RFX1: variants seen among roughly 807,000 people sequenced by gnomAD.
The protein encoded by RFX1 is MHC class II regulatory factor RFX1.
Under a neutral mutation model 119.6 loss-of-function variants are expected in RFX1, and 42 were observed. The observed-to-expected ratio is 0.35, with a 90% CI of 0.27 to 0.45. The LOEUF (loss-of-function observed/expected upper bound fraction) is 0.45. RFX1 is among the 20% of genes least tolerant of loss of function. The pLI is 1.00. For missense variants in RFX1, 1,118 were observed against 1,368.1 expected (o/e 0.82, Z 2.88); for synonymous variants, 628 against 618.5 (o/e 1.02, Z -0.23).
chr19:13,972,623 C>T, intron 9 of RFX1, 120 bp downstream of exon 9: 2 of 712,334 alleles, frequency 2.8e-6, no homozygotes, highest in Non-Finnish European at 4.6e-6. Flanking sequence ...ATGTTCTCTT[C>T]ATTGGGGGCC....
chr19:13,997,482 A>G (rs1277970586), intron 1 of RFX1, among the ~76,000 whole-genome samples: 1 of 152,238 alleles, frequency 6.6e-6, no homozygotes. Context: ...GGCATGCTGT[A>G]AGCACGCAGG....
chr19:13,979,024 G>C (rs1016173937), intron 7 of RFX1, among the ~76,000 whole-genome samples: 3 of 151,640 alleles, frequency 2.0e-5, no homozygotes, highest in African/African-American at 4.8e-5. Context: ...CGGCGGCGGC[G>C]TGGGCCGGGG....
At chr19:13,973,711 AC>A (rs1974165590) in intron 8 of RFX1, among the ~76,000 whole-genome samples, 1 of 150,054 alleles carries the variant, frequency 6.7e-6, no homozygotes, top group Admixed American at 6.7e-5. Flanking sequence ...GCTCACTGCA[AC>A]CTCCGCCTCC....
chr19:13,962,917 C>A, intron 20 of RFX1, 53 bp from the exon 21 acceptor site: 1 of 1,542,264 alleles, frequency 6.5e-7, no homozygotes, highest in Non-Finnish European at 8.8e-7. Context: ...CGCCCCCGGG[C>A]TCCTCCTCCT....
At chr19:13,978,616 A>T (rs1974328982) in intron 7 of RFX1, among the ~76,000 whole-genome samples, 1 of 152,146 alleles carries the variant, frequency 6.6e-6, no homozygotes. Flanking sequence ...GTGGGGAGTC[A>T]GAGGCGGGTC....
chr19:13,973,507 G>A (rs1343890700), intron 8 of RFX1, among the ~76,000 whole-genome samples: 1 of 152,216 alleles, frequency 6.6e-6, no homozygotes, highest in Non-Finnish European at 1.5e-5. Flanking sequence ...AGCTACTTGG[G>A]AGGCTGAGGC....
chr19:13,998,529 C>T (rs887154834), intron 1 of RFX1, among the ~76,000 whole-genome samples: 1 of 152,046 alleles, frequency 6.6e-6, no homozygotes, highest in African/African-American at 2.4e-5. Context: ...AGCTCAGCAC[C>T]CAATAAACAC....
rs1974340231 is a variant in RFX1 at position 13,978,874 on chromosome 19, G to A, written c.834+573C>T. Among the ~76,000 whole-genome samples, 6 of 152,082 alleles carry A rather than the reference G, an allele frequency of 3.9e-5. No homozygotes were observed. The South Asian group carries it at 1.2e-3, about 31-fold the overall frequency. On this transcript the variant is annotated intron_variant, in intron 7 of 20. Coordinates refer to ENST00000254325, the MANE Select transcript of RFX1 (RefSeq NM_002918.5). The stretch of plus-strand genomic sequence containing the variant: ...TGGCTCGAAGACCACTTTCTGCTGC[G>A]GCAGGAGCAGGTGTGGGGGCAGCAC...
rs544421852 is a variant in RFX1 at position 13,967,227 on chromosome 19, G to A, written c.1733-476C>T. On this transcript the variant is annotated intron_variant, in intron 12 of 20. Coordinates refer to ENST00000254325, the MANE Select transcript of RFX1 (RefSeq NM_002918.5). ...TGTCCCGGCCTCCAGGGCAGGTGGG[G>A]AAATGAGCTCCCACGTGCTCAGGAT... Among the ~76,000 whole-genome samples, 33 of 152,314 alleles carry A rather than the reference G, an allele frequency of 2.2e-4. 1 individual carries two copies. The highest frequency in any genetic ancestry group is 7.2e-4 in the African/African-American group (30 of 41,574).
chr19:13,973,204 G>C (rs1013830286), intron 8 of RFX1, 77 bp from the exon 9 acceptor site: 3 of 969,462 alleles, frequency 3.1e-6, no homozygotes, highest in Non-Finnish European at 4.6e-6. Flanking sequence ...GTGCAGGAAG[G>C]GGGGTCCTAG....
Position 13,980,507 on chromosome 19 carries a change from G to T in RFX1, c.738+66C>A. Reference sequence around the variant, plus strand: ...TCTAATAGGCCAGAGGCACAGCCGTGGGGGGCTGCAGAGGCTGCCTGGCCG... The same window carrying T: ...TCTAATAGGCCAGAGGCACAGCCGTTGGGGGCTGCAGAGGCTGCCTGGCCG... On this transcript the variant is annotated intron_variant, in intron 6 of 20. Coordinates refer to ENST00000254325, the MANE Select transcript of RFX1 (RefSeq NM_002918.5). The surrounding 1 kb of genome is among the most constrained non-coding windows in gnomAD (Gnocchi z 5.1). 3.9e-6 allele frequency: 4 copies of T among 1,027,860 alleles called. No homozygotes were observed. Among genetic ancestry groups the T allele is most frequent in the South Asian group, 1.4e-5 (1 of 69,054 alleles). The allele number at this position is 1,027,860 out of a possible 1,614,324, so 63.7% of individuals were successfully genotyped here.
rs1974379162 is a variant in RFX1 at position 13,980,031 on chromosome 19, C to T, written c.739-489G>A. Among the ~76,000 whole-genome samples the T allele has an allele frequency of 6.6e-6, 1 of 152,098 alleles. No individual in the cohort carries two copies. The highest frequency in any genetic ancestry group is 2.1e-4 in the South Asian group (1 of 4,826). ...GCCAGGCGGGGGAGTATCTGTGAAACCTCTGGGACAGGGTTTCTGTTTACA... is the reference window on the plus strand; with the variant it reads ...GCCAGGCGGGGGAGTATCTGTGAAATCTCTGGGACAGGGTTTCTGTTTACA... On this transcript the variant is annotated intron_variant, in intron 6 of 20. Coordinates refer to ENST00000254325, the MANE Select transcript of RFX1 (RefSeq NM_002918.5). The surrounding 1 kb of genome is among the most constrained non-coding windows in gnomAD (Gnocchi z 5.1).
intron 1 of RFX1, among the ~76,000 whole-genome samples, chr19:14,000,238 C>A (rs984032928): frequency 3.3e-5 from 5 of 152,172 alleles, no homozygotes; most frequent in Non-Finnish European, 7.3e-5. Context: ...GTGATCCCAG[C>A]ACTTTGGAAG....
At position 13,979,380 on chromosome 19, in the gene RFX1, C is replaced by T. The variant is rs1974356690; in HGVS notation, c.834+67G>A. ...TTTCCCTCCCTGCGGCCTCAGGGGC[C>T]TGCACTCCCCAGCCCCAGCCCGGGA... is the stretch of plus-strand genomic sequence containing the variant. On this transcript the variant is annotated intron_variant, in intron 7 of 20. Coordinates refer to ENST00000254325, the MANE Select transcript of RFX1 (RefSeq NM_002918.5). 4 of 1,120,630 alleles carry T rather than the reference C, an allele frequency of 3.6e-6. No individual in the cohort carries two copies. In the Admixed American group the frequency reaches 1.0e-4, roughly 28 times the overall value. The allele number at this position is 1,120,630 out of a possible 1,614,324, so 69.4% of individuals were successfully genotyped here.
intron 9 of RFX1, 102 bp from the exon 10 acceptor site, chr19:13,970,277 A>G: frequency 1.0e-6 from 1 of 990,698 alleles, no homozygotes. Flanking sequence ...TGGGATCCTG[A>G]CAGCCACGCC....
intron 17 of RFX1, 33 bp from the exon 18 acceptor site, chr19:13,963,779 C>T (rs1298313513): frequency 9.9e-6 from 15 of 1,510,010 alleles, no homozygotes; most frequent in Non-Finnish European, 1.2e-5. Flanking sequence ...GCGCCCGGGG[C>T]TCAGCCGCCG....
chr19:13,969,897 G>GCTGGACTGGA lies in RFX1; in HGVS notation c.1496+87_1496+96dup. On this transcript the variant is annotated intron_variant, in intron 10 of 20. Coordinates refer to ENST00000254325, the MANE Select transcript of RFX1 (RefSeq NM_002918.5). This position sits in a 1 kb window ranked among gnomAD's most constrained non-coding sequence, Gnocchi z 4.5. ...GCCTCGCAGAGGCCGGCGGGACTGG[G>GCTGGACTGGA]CTGGACTGGACTGCCTGAGATGACT... The GCTGGACTGGA allele has an allele frequency of 7.8e-7, 1 of 1,289,210 alleles. No individual in the cohort carries two copies. Among genetic ancestry groups the GCTGGACTGGA allele is most frequent in the Non-Finnish European group, 1.1e-6 (1 of 939,986 alleles). 79.9% of individuals were successfully genotyped at this position (1,289,210 alleles called of 1,614,324 possible).
rs373478333 is a variant in RFX1 at position 13,989,884 on chromosome 19, T to C, written c.319+3641A>G. 3.0e-3 allele frequency among the ~76,000 whole-genome samples: 457 copies of C among 151,770 alleles called. 2 individuals carry two copies. The highest frequency in any genetic ancestry group is 0.017 in the Middle Eastern group (5 of 294). On this transcript the variant is annotated intron_variant, in intron 2 of 20. Transcript: ENST00000254325. ...AGGCGGGGGGGGTTCTGGAAGAGTT[T>C]AGGAGGTGGAGCCGAGAGGTCTTAC...
chr19:13,963,861 C>A lies in RFX1; in HGVS notation c.2358G>T (p.Val786=), dbSNP rs1424530669. Residue 786 remains valine, a synonymous_variant, in exon 17 of 21, where the codon GTG becomes GTT. Transcript: ENST00000254325. ...SDLNRVDFAN[V]QEQASWVCRC... Reference sequence around the variant, plus strand: ...CCCCGCCCCGCCCCGCGCTCACCTGCACGTTGGCGAAGTCCACGCGGTTGA... The same window carrying A: ...CCCCGCCCCGCCCCGCGCTCACCTGAACGTTGGCGAAGTCCACGCGGTTGA... 1 of 1,543,830 alleles carries A rather than the reference C, an allele frequency of 6.5e-7. No homozygotes were observed. Among genetic ancestry groups the A allele is most frequent in the Non-Finnish European group, 8.7e-7 (1 of 1,145,850 alleles).
Sources: allele counts gnomAD v4.1 joint callset (sites outside exome capture counted in the v4.1 genomes callset), GRCh38; gene constraint gnomAD v4.1.1; non-coding constraint Gnocchi (gnomAD v3.1); transcripts MANE v1.5; gene names NCBI Gene and HGNC (gene_info 2026-07-23, HGNC 2026-07-21).